The following GABRG3 variants were observed in gnomAD, a reference collection of about 807,000 sequenced individuals.
The protein encoded by GABRG3 is gamma-aminobutyric acid receptor subunit gamma-3.
In GABRG3, 25 loss-of-function variants were observed where a neutral mutation model predicts 48.8. The ratio of observed to expected loss-of-function variants is 0.51; its 90% CI spans 0.37 to 0.72. GABRG3 has a LOEUF of 0.72. GABRG3 is among the 30% of genes least tolerant of loss of function. The pLI is 0.00. For missense variants in GABRG3, 394 were observed against 577.9 expected (o/e 0.68, Z 3.26); for synonymous variants, 227 against 217.6 (o/e 1.04, Z -0.38).
chr15:27,441,736 T>C (rs1371169360), intron 5 of GABRG3, among the ~76,000 whole-genome samples: 3 of 152,162 alleles, frequency 2.0e-5, no homozygotes, highest in African/African-American at 7.2e-5. Context: ...CTGTGCTTTC[T>C]TCTCTGCGCC....
chr15:27,508,411 A>T (rs1342603760), intron 6 of GABRG3, among the ~76,000 whole-genome samples: 1 of 152,094 alleles, frequency 6.6e-6, no homozygotes, highest in Admixed American at 6.5e-5. Flanking sequence ...TATATTCCCT[A>T]TTACTTTCTT....
intron 3 of GABRG3, among the ~76,000 whole-genome samples, chr15:27,115,277 C>T (rs1159736515): frequency 1.3e-5 from 2 of 151,994 alleles, no homozygotes; most frequent in African/African-American, 4.8e-5. Flanking sequence ...AAAGAATATC[C>T]ACGGCAGTTA....
chr15:27,493,886 G>C (rs57070041), intron 6 of GABRG3, among the ~76,000 whole-genome samples: 12,101 of 152,188 alleles, frequency 0.08, 807 homozygotes, highest in East Asian at 0.35. Context: ...ACCTCAGTAA[G>C]AGGGAAATAA....
chr15:27,476,577 GAAGA>G (rs987399975), intron 5 of GABRG3, among the ~76,000 whole-genome samples: 1 of 151,990 alleles, frequency 6.6e-6, no homozygotes, highest in Non-Finnish European at 1.5e-5. Flanking sequence ...TTAGTATAAA[GAAGA>G]AAGAATCAGC....
intron 3 of GABRG3, among the ~76,000 whole-genome samples, chr15:27,200,693 C>T (rs1169031759): frequency 1.3e-5 from 2 of 152,120 alleles, no homozygotes; most frequent in African/African-American, 2.4e-5. Context: ...GTACCTACTA[C>T]GGCCAGGCAG....
chr15:27,320,736 AT>A lies in GABRG3; in HGVS notation c.271-6071del, dbSNP rs1368269755. Among the ~76,000 whole-genome samples, 8 of 152,312 alleles carry A rather than the reference AT, an allele frequency of 5.3e-5. No individual in the cohort carries two copies. The East Asian group carries it at 1.5e-3, about 29-fold the overall frequency. ...ATGATGAAGGAGGGCCAGTGGTCAG[AT>A]TAATAAAAATAAGATCTATTCCTTT... On this transcript the variant is annotated intron_variant, in intron 3 of 9. Transcript: ENST00000615808.
chr15:27,249,236 G>T (rs571697723), intron 3 of GABRG3, among the ~76,000 whole-genome samples: 2 of 152,256 alleles, frequency 1.3e-5, no homozygotes, highest in Non-Finnish European at 1.5e-5. Context: ...CTGCTCCTCC[G>T]CGTGGCCAGG....
chr15:27,234,320 T>A (rs1406472530), intron 3 of GABRG3, among the ~76,000 whole-genome samples: 3 of 152,208 alleles, frequency 2.0e-5, no homozygotes, highest in Non-Finnish European at 4.4e-5. Flanking sequence ...CATGTAGCTT[T>A]GGGCCCTTCT....
intron 6 of GABRG3, among the ~76,000 whole-genome samples, chr15:27,486,023 T>G (rs1890211079): frequency 1.3e-5 from 2 of 152,182 alleles, no homozygotes; most frequent in Admixed American, 1.3e-4. Flanking sequence ...TAAAATAATT[T>G]GGGTAGAATG....
chr15:27,305,637 T>C (rs915519155), intron 3 of GABRG3, among the ~76,000 whole-genome samples: 1 of 136,114 alleles, frequency 7.3e-6, no homozygotes, highest in African/African-American at 2.7e-5. Flanking sequence ...AATATAAACC[T>C]ATATGTTTAT....
At chr15:27,285,369 G>A (rs1566994024) in intron 3 of GABRG3, among the ~76,000 whole-genome samples, 1 of 151,556 alleles carries the variant, frequency 6.6e-6, no homozygotes, top group East Asian at 2.0e-4. Context: ...TAGAGGACCA[G>A]CTCTCTGCCC....
rs149163742 is a variant in GABRG3 at position 27,296,508 on chromosome 15, C to T, written c.271-30301C>T. Among the ~76,000 whole-genome samples the T allele has an allele frequency of 9.5e-4, 145 of 151,980 alleles. 3 individuals are homozygous for T. Among genetic ancestry groups the T allele is most frequent in the Non-Finnish European group, 2.5e-4 (17 of 67,986 alleles). On this transcript the variant is annotated intron_variant, in intron 3 of 9. Coordinates refer to ENST00000615808, the MANE Select transcript of GABRG3 (RefSeq NM_033223.5). ...GATGGTTAATATAATAAATTCTATA[C>T]GTATAAATAGTCATGTGCTACATAA...
intron 3 of GABRG3, among the ~76,000 whole-genome samples, chr15:27,234,571 G>T (rs1889898125): frequency 6.6e-6 from 1 of 152,094 alleles, no homozygotes; most frequent in Non-Finnish European, 1.5e-5. Context: ...ACATGAGGAG[G>T]GTACACATTC....
chr15:27,134,729 T>C (rs1027502555), intron 3 of GABRG3, among the ~76,000 whole-genome samples: 1 of 152,204 alleles, frequency 6.6e-6, no homozygotes, highest in Admixed American at 6.5e-5. Context: ...CTTCTGCTGC[T>C]CATGTTGGTC....
In GABRG3 at chr15:27,236,760, G is replaced by A. The variant is rs549746399; in HGVS notation, c.271-90049G>A. Among the ~76,000 whole-genome samples, 14 of 152,304 alleles carry A rather than the reference G, an allele frequency of 9.2e-5. No homozygotes were observed. The highest frequency in any genetic ancestry group is 5.8e-4 in the East Asian group (3 of 5,170). ...TCAGAGGGCCAAAAACTCTATCCTC[G>A]GATCATGCGAACACTGCCATTTTTT... On this transcript the variant is annotated intron_variant, in intron 3 of 9. Transcript: ENST00000615808. This position sits in a 1 kb window ranked among gnomAD's most constrained non-coding sequence, Gnocchi z 4.4.
At chr15:27,366,824 G>A (rs1157357548) in intron 5 of GABRG3, among the ~76,000 whole-genome samples, 4 of 152,116 alleles carry the variant, frequency 2.6e-5, no homozygotes, top group African/African-American at 4.8e-5. Context: ...CCATGTGCCC[G>A]TGTCCCCCTG....
At chr15:27,231,810 T>C (rs1889809457) in intron 3 of GABRG3, among the ~76,000 whole-genome samples, 1 of 152,234 alleles carries the variant, frequency 6.6e-6, no homozygotes, top group Admixed American at 6.5e-5. Context: ...TCCACAGTTA[T>C]ATGAAGGAAA....
chr15:27,497,612 C>A (rs962308541), intron 6 of GABRG3, among the ~76,000 whole-genome samples: 1 of 152,102 alleles, frequency 6.6e-6, no homozygotes, highest in African/African-American at 2.4e-5. Context: ...GAAAATGACT[C>A]GGAGTTCAGA....
chr15:27,486,934 A>G (rs1890234665), intron 6 of GABRG3, among the ~76,000 whole-genome samples: 1 of 152,224 alleles, frequency 6.6e-6, no homozygotes. Flanking sequence ...TGAGATTTAT[A>G]TCTTGAATGC....
Sources: allele counts gnomAD v4.1 joint callset (sites outside exome capture counted in the v4.1 genomes callset), GRCh38; gene constraint gnomAD v4.1.1; non-coding constraint Gnocchi (gnomAD v3.1); transcripts MANE v1.5; gene names NCBI Gene and HGNC (gene_info 2026-07-23, HGNC 2026-07-21).